The following FBXO38 variants were observed in gnomAD, a reference collection of about 807,000 sequenced individuals.
FBXO38 encodes F-box only protein 38.
FBXO38 carries 53 observed loss-of-function variants against 131.9 expected under a neutral mutation model. That is an observed-to-expected ratio of 0.40 (90% CI 0.32 to 0.51). The LOEUF (loss-of-function observed/expected upper bound fraction) is 0.51, where lower values mean the gene tolerates loss of function less well. Ranked by LOEUF, FBXO38 falls within the 20% of genes least tolerant of loss-of-function variation. The pLI is 0.53. For missense variants in FBXO38, 1,076 were observed against 1,475.6 expected (o/e 0.73, Z 4.44); for synonymous variants, 452 against 505.6 (o/e 0.89, Z 1.42).
chr5:148,412,876 A>C (rs1437843856), intron 9 of FBXO38, among the ~76,000 whole-genome samples: 1 of 152,076 alleles, frequency 6.6e-6, no homozygotes, highest in East Asian at 1.9e-4. Context: ...TGAAAAGAAA[A>C]ACAAAAATGA....
chr5:148,440,344 A>T, intron 19 of FBXO38, 80 bp from the exon 20 acceptor site: 1 of 835,984 alleles, frequency 1.2e-6, no homozygotes, highest in Non-Finnish European at 2.0e-6. Flanking sequence ...TGTCCGAAAC[A>T]GTTTTGATGG....
In FBXO38 at chr5:148,402,398, GC is replaced by G; in HGVS notation, c.481del (p.His161MetfsTer23). The G allele has an allele frequency of 1.2e-6, 2 of 1,613,136 alleles. No homozygotes were observed. The highest frequency in any genetic ancestry group is 1.7e-6 in the Non-Finnish European group (2 of 1,179,336). On this transcript the variant is annotated frameshift_variant, in exon 5 of 22. Transcript: ENST00000340253. LOFTEE classifies it high-confidence loss of function. ...ELVESIWTYM[P>X]HVHILGKFRN... ...TGGTAGAATCCATTTGGACATATAT[GC>G]CCCATGTTCATATTTTGGGGAAATT...
chr5:148,411,981 G>A (rs1752787116), intron 9 of FBXO38, among the ~76,000 whole-genome samples: 2 of 152,220 alleles, frequency 1.3e-5, no homozygotes, highest in African/African-American at 2.4e-5. Context: ...GACAAATTGT[G>A]TACCTTCAGG....
Position 148,442,221 on chromosome 5 carries a change from G to A in FBXO38, c.*74G>A. The A allele has an allele frequency of 7.0e-7, 1 of 1,434,934 alleles. No individual in the cohort carries two copies. The highest frequency in any genetic ancestry group is 1.3e-5 in the South Asian group (1 of 79,114). 88.9% of individuals were successfully genotyped at this position (1,434,934 alleles called of 1,614,324 possible). ...ATCCAGCTGCCAGAGTGCTCCACAG[G>A]GACTTGAGGCATGCAGTTGGGAGGT... On this transcript the variant is annotated 3_prime_UTR_variant, in exon 22 of 22. Transcript: ENST00000340253.
intron 21 of FBXO38, 35 bp downstream of exon 21, chr5:148,441,272 T>G (rs951759112): frequency 6.9e-7 from 1 of 1,445,118 alleles, no homozygotes; most frequent in Non-Finnish European, 9.7e-7. Context: ...TATTCTCTAG[T>G]TTAAGTATAG....
chr5:148,417,147 G>A lies in FBXO38; in HGVS notation c.1561G>A (p.Glu521Lys), dbSNP rs1306444548. 2.5e-6 allele frequency: 4 copies of A among 1,613,836 alleles called. No individual in the cohort carries two copies. The highest frequency in any genetic ancestry group is 3.4e-6 in the Non-Finnish European group (4 of 1,179,808). The change falls in exon 12 of 22, where the codon GAG becomes AAG. Residue 521 changes from glutamate (E) to lysine (K), a missense_variant. By Grantham distance (56) the Glu-to-Lys change is moderately conservative. This residue lies in a region of FBXO38 where 212 missense variants were observed against 221.2 expected (regional missense o/e 0.96). Transcript: ENST00000340253. The part of the protein sequence containing the change: ...NNHHHPDDSD[E>K]ENDFRQDLQP... ...TCACCATCATCCAGATGACTCAGAC[G>A]AGGAGAATGACTTTCGGCAAGATCT...
intron 15 of FBXO38, among the ~76,000 whole-genome samples, chr5:148,429,230 A>G (rs1753893399): frequency 6.6e-6 from 1 of 152,116 alleles, no homozygotes; most frequent in South Asian, 2.1e-4. Flanking sequence ...CCTTTCCTAC[A>G]CTTGGTTCAG....
chr5:148,391,139 A>G lies in FBXO38; in HGVS notation c.-63-3575A>G, dbSNP rs114870531. ...CACTGCAGTAAAATCTGATTGCATT[A>G]TTGTCTAGGTTATAAGTTTGTTGCT... is the stretch of plus-strand genomic sequence containing the variant. On this transcript the variant is annotated intron_variant, in intron 1 of 21. Coordinates refer to ENST00000340253, the MANE Select transcript of FBXO38 (RefSeq NM_205836.3). Among the ~76,000 whole-genome samples the G allele has an allele frequency of 8.1e-3, 1,237 of 152,276 alleles. 21 individuals carry two copies. The highest frequency in any genetic ancestry group is 0.029 in the African/African-American group (1,186 of 41,540).
intron 7 of FBXO38, among the ~76,000 whole-genome samples, chr5:148,407,584 A>C (rs1247334091): frequency 6.6e-6 from 1 of 152,174 alleles, no homozygotes; most frequent in Non-Finnish European, 1.5e-5. Context: ...GTACCAAATT[A>C]AAATTAAAAT....
rs965230693 is a variant in FBXO38 at position 148,440,301 on chromosome 5, T to A, written c.3171-123T>A. The A allele has an allele frequency of 3.7e-5, 24 of 651,714 alleles. No homozygotes were observed. The East Asian group carries it at 5.4e-4, about 15-fold the overall frequency. 40.4% of individuals were successfully genotyped at this position (651,714 alleles called of 1,614,324 possible). A position where few individuals can be genotyped will look rare whatever the true frequency, so the allele number is the denominator to read the frequency against. Reference sequence around the variant, plus strand: ...GTGTATCCTACTTCCGTTAGGTATTTGATGTTTTGTTTGAGATGTTCGGTA... The same window carrying A: ...GTGTATCCTACTTCCGTTAGGTATTAGATGTTTTGTTTGAGATGTTCGGTA... On this transcript the variant is annotated intron_variant, in intron 19 of 21. Coordinates refer to ENST00000340253, the MANE Select transcript of FBXO38 (RefSeq NM_205836.3).
At chr5:148,439,820 C>T (rs1226907734) in intron 19 of FBXO38, 28 bp downstream of exon 19, 2 of 1,608,766 alleles carry the variant, frequency 1.2e-6, no homozygotes, top group South Asian at 1.1e-5. Context: ...CCTTAAAGGC[C>T]TTTTGAGTCA....
intron 13 of FBXO38, 97 bp from the exon 14 acceptor site, chr5:148,425,425 A>G (rs1753655561): frequency 3.2e-6 from 3 of 936,596 alleles, no homozygotes; most frequent in Non-Finnish European, 5.0e-6. Context: ...TAGAGCCACA[A>G]AGCATCTCTG....
intron 6 of FBXO38, 81 bp from the exon 7 acceptor site, chr5:148,406,176 G>A (rs1389912896): frequency 7.5e-7 from 1 of 1,337,404 alleles, no homozygotes; most frequent in Non-Finnish European, 1.0e-6. Flanking sequence ...GAGTTTATAA[G>A]TTATACATGT....
At chr5:148,399,426 T>C (rs1392115243) in intron 3 of FBXO38, 1 of 328,214 alleles carries the variant, frequency 3.0e-6, no homozygotes, top group Non-Finnish European at 5.7e-6. Context: ...AGTATATGTG[T>C]ATCACATTAG....
chr5:148,431,239 TAAAAAATGTTCCTAAAC>T (rs1366515670), intron 15 of FBXO38, among the ~76,000 whole-genome samples: 4 of 152,194 alleles, frequency 2.6e-5, no homozygotes, highest in Non-Finnish European at 5.9e-5. Context: ...TTTGAGTTAC[TAAAAAATGTTCCTAAAC>T]AAAATTAATT....
intron 1 of FBXO38, among the ~76,000 whole-genome samples, chr5:148,386,733 A>G (rs1166934936): frequency 6.6e-6 from 1 of 152,190 alleles, no homozygotes; most frequent in Non-Finnish European, 1.5e-5. Context: ...TTATTCAGGC[A>G]TAGCTCAGAG....
chr5:148,420,631 A>G (rs966067330), intron 12 of FBXO38, among the ~76,000 whole-genome samples: 3 of 152,194 alleles, frequency 2.0e-5, no homozygotes. Flanking sequence ...GCTTTTAAAT[A>G]CAGCGTCATT....
Position 148,394,897 on chromosome 5 carries a change from A to G in FBXO38, c.121A>G (p.Ile41Val). The G allele has an allele frequency of 1.3e-6, 2 of 1,585,766 alleles. No homozygotes were observed. Among genetic ancestry groups the G allele is most frequent in the Non-Finnish European group, 1.7e-6 (2 of 1,166,726 alleles). Residue 41 changes from isoleucine (I) to valine (V), a missense_variant, in exon 2 of 22, where the codon ATT (isoleucine) becomes GTT (valine). Physicochemically the swap from Ile to Val is conservative, Grantham distance 29. This residue lies in a region of FBXO38 where 58 missense variants were observed against 53.1 expected (regional missense o/e 1.09). Coordinates refer to ENST00000340253, the MANE Select transcript of FBXO38 (RefSeq NM_205836.3). ...ACTTTCACATGAAGTACTTTGCCAT[A>G]TTTTTAGGTAAGATTGTGTTTGGTT... ...NQLSHEVLCHIFRYLPLQDIM... is the reference protein window; with the variant it reads ...NQLSHEVLCHVFRYLPLQDIM...
chr5:148,417,171 C>A lies in FBXO38; in HGVS notation c.1585C>A (p.Leu529Met), dbSNP rs1424326950. 1 of 1,613,710 alleles carries A rather than the reference C, an allele frequency of 6.2e-7. No homozygotes were observed. The highest frequency in any genetic ancestry group is 1.1e-5 in the South Asian group (1 of 91,078). Residue 529 changes from leucine (L) to methionine (M), a missense_variant, in exon 12 of 22, where the codon CTG (leucine) becomes ATG (methionine). Transcript: ENST00000340253. ...SDEENDFRQD[L>M]QPGEQQFAAD... ...CGAGGAGAATGACTTTCGGCAAGAT[C>A]TGCAGCCAGGAGAGCAGCAGTTTGC...
Sources: allele counts gnomAD v4.1 joint callset (sites outside exome capture counted in the v4.1 genomes callset), GRCh38; gene constraint gnomAD v4.1.1; regional missense constraint gnomAD v4.1.1; transcripts MANE v1.5; gene names NCBI Gene and HGNC (gene_info 2026-07-23, HGNC 2026-07-21).